Variants in STAT6 observed in about 807,000 individuals in gnomAD.
The protein encoded by STAT6 is signal transducer and activator of transcription 6.
A neutral mutation model predicts 106.3 loss-of-function variants in STAT6; 45 were observed. The observed-to-expected ratio is 0.42, with a 90% CI of 0.33 to 0.54. The LOEUF is 0.54. STAT6 is among the 20% of genes least tolerant of loss of function. The pLI, the probability that STAT6 is intolerant of heterozygous loss-of-function variation, is 0.06. For synonymous variants in STAT6, 413 were observed against 413.6 expected, an observed-to-expected ratio of 1.00 and a Z score of 0.02; for missense variants, 797 against 1,062.2, an observed-to-expected ratio of 0.75 and a Z score of 3.47.
At chr12:57,098,990 C>T (rs1565681422) in intron 17 of STAT6, 25 bp downstream of exon 17, 9 of 1,614,092 alleles carry the variant, frequency 5.6e-6, no homozygotes, top group African/African-American at 1.3e-5. Flanking sequence ...CCTGACCTAC[C>T]CACTGTCCAT....
intron 1 of STAT6, chr12:57,110,414 G>T (rs73118440): frequency 0.039 from 5,881 of 152,334 alleles, 153 homozygotes; most frequent in Non-Finnish European, 0.053. Context: ...GCAAGGTCTG[G>T]GATCCTCGTC....
At chr12:57,096,827 T>C in intron 21 of STAT6, 23 bp downstream of exon 21, 1 of 1,613,916 alleles carries the variant, frequency 6.2e-7, no homozygotes, top group South Asian at 1.1e-5. Context: ...CCACCCAGCC[T>C]CCACTCCCAA....
intron 1 of STAT6, among the ~76,000 whole-genome samples, chr12:57,108,924 C>T (rs937920625): frequency 5.9e-5 from 9 of 152,116 alleles, no homozygotes; most frequent in Non-Finnish European, 1.3e-4. Context: ...CTCGGCCAGG[C>T]GCAGTGGCTC....
In STAT6 at chr12:57,100,014, C is replaced by T. The variant is rs915557232; in HGVS notation, c.1589G>A (p.Arg530Gln). 1.6e-5 allele frequency: 26 copies of T among 1,613,352 alleles called. No homozygotes were observed. Among genetic ancestry groups the T allele is most frequent in the East Asian group, 2.2e-5 (1 of 44,854 alleles). The change falls in exon 14 of 22, where the codon CGG becomes CAG. Residue 530 changes from arginine to glutamine, a missense_variant. Physicochemically the swap from Arg to Gln is conservative, Grantham distance 43. Transcript: ENST00000300134. ...GVLDLTKRCL[R>Q]SYWSDRLIIG... ...GACTCACCGGTCAGACCAGTAGCTC[C>T]GGAGACAGCGTTTGGTGAGGTCCAG...
In STAT6 at chr12:57,099,641, G is replaced by T; in HGVS notation, c.1744+126C>A. 2 of 1,452,204 alleles carry T rather than the reference G, an allele frequency of 1.4e-6. No homozygotes were observed. The highest frequency in any genetic ancestry group is 1.9e-6 in the Non-Finnish European group (2 of 1,071,194). 90.0% of individuals were successfully genotyped at this position (1,452,204 alleles called of 1,614,324 possible). On this transcript the variant is annotated intron_variant, in intron 15 of 21. Coordinates refer to ENST00000300134, the MANE Select transcript of STAT6 (RefSeq NM_003153.5). The surrounding 1 kb of genome is among the most constrained non-coding windows in gnomAD (Gnocchi z 4.7). ...GTGAACATTTAGACCACAGAAGGAA[G>T]AAGAGAAGCTGGAAGAACTTCCTGA...
At chr12:57,107,824 C>G in intron 2 of STAT6, 81 bp from the exon 3 acceptor site, 1 of 1,579,458 alleles carries the variant, frequency 6.3e-7, no homozygotes, top group East Asian at 2.3e-5. Context: ...GCCAAAAGCT[C>G]AGCAGTTCCT....
chr12:57,104,545 C>T lies in STAT6; in HGVS notation c.1131G>A (p.Glu377=). Residue 377 remains glutamate, a synonymous_variant, in exon 11 of 22, where the codon GAG becomes GAA. Coordinates refer to ENST00000300134, the MANE Select transcript of STAT6 (RefSeq NM_003153.5). ...CAGCGCACTTCTCCTCTGTGACAGA[C>T]TCAGTGCCCTTCCGCTCACACCGCT... The part of the protein sequence containing the change: ...KIKRCERKGT[E]SVTEEKCAVL... The T allele has an allele frequency of 6.2e-7, 1 of 1,614,060 alleles. No individual in the cohort carries two copies. Among genetic ancestry groups the T allele is most frequent in the Non-Finnish European group, 8.5e-7 (1 of 1,179,984 alleles).
chr12:57,098,754 C>T, intron 18 of STAT6, 38 bp downstream of exon 18: 2 of 1,601,790 alleles, frequency 1.2e-6, no homozygotes, highest in East Asian at 2.2e-5. Context: ...AGCCCATCTG[C>T]ACAGACCACT....
Position 57,098,881 on chromosome 12 carries a change from TG to T in STAT6, c.1976del (p.Pro659GlnfsTer22). ...GCACCATGGTAGGCATCTGGAGCTC[TG>T]GGGTAGGAAGTGGTTGGTCCCTGGA... is the stretch of plus-strand genomic sequence containing the variant. The part of the protein sequence containing the change: ...TVERDQPLPT[P>X]ELQMPTMVPS... On this transcript the variant is annotated frameshift_variant, in exon 18 of 22. Transcript: ENST00000300134. LOFTEE classifies it high-confidence loss of function. The T allele has an allele frequency of 6.2e-7, 1 of 1,613,694 alleles. No individual in the cohort carries two copies. Among genetic ancestry groups the T allele is most frequent in the Non-Finnish European group, 8.5e-7 (1 of 1,179,828 alleles).
chr12:57,109,934 C>G (rs2034486648), intron 1 of STAT6: 1 of 152,308 alleles, frequency 6.6e-6, no homozygotes, highest in Non-Finnish European at 1.5e-5. Flanking sequence ...CACGTTCAGC[C>G]TCTCACCTCT....
At chr12:57,097,312 A>T (rs924941027) in intron 19 of STAT6, 179 bp from the exon 20 acceptor site, 2 of 445,966 alleles carry the variant, frequency 4.5e-6, no homozygotes, top group Non-Finnish European at 7.7e-6. Context: ...TGTGCGTGTT[A>T]TGGGGGTGGA....
chr12:57,098,380 G>T, intron 19 of STAT6, 125 bp downstream of exon 19: 2 of 974,788 alleles, frequency 2.1e-6, no homozygotes, highest in Non-Finnish European at 3.3e-6. Flanking sequence ...CATTAGAGTG[G>T]ACAGAAGAGA....
At chr12:57,108,105 A>G (rs1288552010) in intron 2 of STAT6, 58 bp downstream of exon 2, 2 of 1,118,442 alleles carry the variant, frequency 1.8e-6, no homozygotes, top group Non-Finnish European at 1.3e-6. Flanking sequence ...AAATCTAAGG[A>G]GAAGGAAGAT....
intron 1 of STAT6, chr12:57,110,027 TC>T (rs2034489955): frequency 6.6e-6 from 1 of 152,322 alleles, no homozygotes; most frequent in African/African-American, 2.4e-5. Context: ...CCCTCTTTCC[TC>T]CAGTGCCCAC....
At chr12:57,102,186 G>T in intron 13 of STAT6, 104 bp downstream of exon 13, 1 of 1,285,446 alleles carries the variant, frequency 7.8e-7, no homozygotes, top group Non-Finnish European at 1.1e-6. Context: ...AGGGGGCACT[G>T]TGGAGAATCC....
chr12:57,104,271 T>C, intron 11 of STAT6, 193 bp downstream of exon 11: 1 of 729,690 alleles, frequency 1.4e-6, no homozygotes, highest in Non-Finnish European at 2.2e-6. Flanking sequence ...TGTTTGCTGC[T>C]ATCCACTACC....
chr12:57,098,590 C>T lies in STAT6; in HGVS notation c.2074G>A (p.Val692Met). The T allele has an allele frequency of 1.9e-6, 3 of 1,613,110 alleles. No individual in the cohort carries two copies. The highest frequency in any genetic ancestry group is 1.7e-6 in the Non-Finnish European group (2 of 1,179,586). ...ATGGAGTGAGAGTGTGGTGGGTACA[C>T]CTGGGGCCTGGGGAAAGAAAACAGA... ...MQLGPDMVPQ[V>M]YPPHSHSIPP... The change falls in exon 19 of 22, where the codon GTG becomes ATG. Residue 692 changes from valine (V) to methionine (M), a missense_variant. Transcript: ENST00000300134.
chr12:57,100,682 AAGAAAGAAAGAAAGAAAGAGAAAGAAAG>A (rs1565684327), intron 13 of STAT6, among the ~76,000 whole-genome samples: 7 of 66,716 alleles, frequency 1.0e-4, no homozygotes, highest in African/African-American at 4.3e-4. Context: ...GAAAGAAAGA[AAGAAAGAAAGAAAGAAAGAGAAAGAAAG>A]AAAGAAAGAA....
Position 57,105,242 on chromosome 12 carries a change from C to A in STAT6, c.910G>T (p.Ala304Ser), listed in dbSNP as rs754583855. 1 of 1,613,948 alleles carries A rather than the reference C, an allele frequency of 6.2e-7. No individual in the cohort carries two copies. The highest frequency in any genetic ancestry group is 8.5e-7 in the Non-Finnish European group (1 of 1,179,956). Reference sequence around the variant, plus strand: ...CTGACCAGCGGAGGCTTGGCTGGGGCCCCCAGGAACCTCAAGCCCAACAGG... The same window carrying A: ...CTGACCAGCGGAGGCTTGGCTGGGGACCCCAGGAACCTCAAGCCCAACAGG... ...RFLLGLRFLGAPAKPPLVRAD... is the reference protein window; with the variant it reads ...RFLLGLRFLGSPAKPPLVRAD... Residue 304 changes from alanine (A) to serine (S), a missense_variant, in exon 9 of 22, where the codon GCC becomes TCC. By Grantham distance (99) the Ala-to-Ser change is moderately conservative. Coordinates refer to ENST00000300134, the MANE Select transcript of STAT6 (RefSeq NM_003153.5).
Sources: gnomAD v4.1 joint callset for allele counts (sites outside exome capture counted in the v4.1 genomes callset) on GRCh38, gnomAD v4.1.1 for gene constraint, Gnocchi (gnomAD v3.1) non-coding constraint, MANE v1.5 for transcripts, NCBI Gene and HGNC (gene_info 2026-07-23, HGNC 2026-07-21) for gene names.